The following DICER1 variants were observed in gnomAD, a reference collection of about 807,000 sequenced individuals.
The protein encoded by DICER1 is endoribonuclease Dicer.
DICER1 carries 43 observed loss-of-function variants against 194.1 expected under a neutral mutation model. That is an observed-to-expected ratio of 0.22 (90% CI 0.17 to 0.29). The LOEUF (loss-of-function observed/expected upper bound fraction) is 0.29, where lower values mean the gene tolerates loss of function less well. Ranked by LOEUF, DICER1 falls within the 10% of genes least tolerant of loss-of-function variation. The pLI is 1.00. For synonymous variants in DICER1, 832 were observed against 820.5 expected, an observed-to-expected ratio of 1.01 and a Z score of -0.24; for missense variants, 1,608 against 2,317.0, an observed-to-expected ratio of 0.69 and a Z score of 6.28.
intron 1 of DICER1, among the ~76,000 whole-genome samples, chr14:95,149,874 T>C (rs1188303180): frequency 6.6e-6 from 1 of 152,196 alleles, no homozygotes; most frequent in Non-Finnish European, 1.5e-5. Flanking sequence ...CCCAAATTAT[T>C]TCAACAAGCT....
At chr14:95,152,018 G>A (rs1895547181) in intron 1 of DICER1, among the ~76,000 whole-genome samples, 1 of 152,130 alleles carries the variant, frequency 6.6e-6, no homozygotes, top group African/African-American at 2.4e-5. Context: ...AGTTCTCTAA[G>A]TACAACCGGT....
intron 1 of DICER1, among the ~76,000 whole-genome samples, chr14:95,134,144 C>A (rs992257709): frequency 2.0e-5 from 3 of 152,140 alleles, no homozygotes; most frequent in African/African-American, 2.4e-5. Flanking sequence ...CGAACACAGG[C>A]CTTTTTCTCA....
chr14:95,122,621 T>C (rs1300297780), intron 8 of DICER1, among the ~76,000 whole-genome samples: 1 of 152,238 alleles, frequency 6.6e-6, no homozygotes, highest in East Asian at 1.9e-4. Context: ...GTCTCTGCCA[T>C]TGACTAGCAA....
intron 7 of DICER1, among the ~76,000 whole-genome samples, chr14:95,125,809 A>C (rs1398645686): frequency 1.5e-5 from 2 of 132,264 alleles, no homozygotes; most frequent in East Asian, 4.2e-4. Flanking sequence ...GAGAGGAGAG[A>C]AAGAGAGAGA....
intron 15 of DICER1, 40 bp from the exon 16 acceptor site, chr14:95,108,133 A>C: frequency 6.7e-7 from 1 of 1,494,612 alleles, no homozygotes; most frequent in Non-Finnish European, 9.3e-7. Context: ...CAAAATTAAC[A>C]GGTATTTTAT....
At position 95,116,846 on chromosome 14, in the gene DICER1, G is replaced by C. The variant is rs1265200837; in HGVS notation, c.1510-151C>G. 5.0e-6 allele frequency: 4 copies of C among 793,458 alleles called. No homozygotes were observed. The East Asian group carries it at 7.4e-5, about 15-fold the overall frequency. 49.2% of individuals were successfully genotyped at this position (793,458 alleles called of 1,614,324 possible). ...TAAGGCCAGGCTAAAGAAGATGACA[G>C]TATCACAGAAAACTCAGCATGCATG... On this transcript the variant is annotated intron_variant, in intron 9 of 26. Coordinates refer to ENST00000343455, the MANE Select transcript of DICER1 (RefSeq NM_177438.3).
chr14:95,113,179 A>G lies in DICER1; in HGVS notation c.1953T>C (p.Pro651=), dbSNP rs199678028. ...LPSDPFTHLA[P]KCRTRELPDG... ...CAGGCAACTCTCGGGTTCTGCATTT[A>G]GGAGCTAGATGAGTAAACGGATCAC... Residue 651 remains proline (P), a synonymous_variant, in exon 12 of 27, where the codon CCT becomes CCC. Transcript: ENST00000343455. 3.0e-5 allele frequency: 48 copies of G among 1,613,808 alleles called. No individual in the cohort carries two copies. In the East Asian group the frequency reaches 1.0e-3, roughly 35 times the overall value.
Position 95,086,829 on chromosome 14 carries a change from A to G in DICER1, c.*3669T>C. On this transcript the variant is annotated 3_prime_UTR_variant, in exon 27 of 27. Coordinates refer to ENST00000343455, the MANE Select transcript of DICER1 (RefSeq NM_177438.3). ...TTATCTGGAAATAATTAAATTCCTG[A>G]AAAGTAATCAGTGGTTGGAAAAATA... 1 of 232,544 alleles carries G rather than the reference A, an allele frequency of 4.3e-6. No homozygotes were observed. Among genetic ancestry groups the G allele is most frequent in the Non-Finnish European group, 8.5e-6 (1 of 117,644 alleles). The allele number at this position is 232,544 out of a possible 1,614,324, so 14.4% of individuals were successfully genotyped here.
chr14:95,154,817 T>C (rs147265339), intron 1 of DICER1, among the ~76,000 whole-genome samples: 46 of 151,904 alleles, frequency 3.0e-4, no homozygotes, highest in African/African-American at 1.1e-3. Context: ...TGCCAGCTAG[T>C]TGTACACTTA....
chr14:95,156,140 T>A (rs1272469397), intron 1 of DICER1, among the ~76,000 whole-genome samples: 1 of 152,248 alleles, frequency 6.6e-6, no homozygotes, highest in Non-Finnish European at 1.5e-5. Context: ...TAACCTGTTT[T>A]AACAGCACAT....
Position 95,108,045 on chromosome 14 carries a change from T to C in DICER1, c.2485A>G (p.Ile829Val), listed in dbSNP as rs1038939677. 2 of 1,613,920 alleles carry C rather than the reference T, an allele frequency of 1.2e-6. No homozygotes were observed. The highest frequency in any genetic ancestry group is 1.3e-5 in the African/African-American group (1 of 74,930). ...ATGAAACCAGACTTCTTCAACTCAA[T>C]GGATATGGTAACCTCTCCAGAGCGT... ...YTRSGEVTIS[I>V]ELKKSGFMLS... is the part of the protein sequence containing the mutation. The change falls in exon 16 of 27, where the codon ATT becomes GTT. Residue 829 changes from isoleucine to valine, a missense_variant. Ile to Val is a conservative substitution (Grantham distance 29). Around this residue, in one of 10 missense-constraint regions of DICER1, gnomAD observed 150 missense variants for 216.0 expected, o/e 0.69. Coordinates refer to ENST00000343455, the MANE Select transcript of DICER1 (RefSeq NM_177438.3).
chr14:95,087,158 G>C lies in DICER1; in HGVS notation c.*3340C>G, dbSNP rs1889401009. ...GAGCGACTGAAGAAGCCGACTGCCG[G>C]GGGAACACCTGGATTCATGAACCAA... On this transcript the variant is annotated 3_prime_UTR_variant, in exon 27 of 27. Coordinates refer to ENST00000343455, the MANE Select transcript of DICER1 (RefSeq NM_177438.3). The C allele has an allele frequency of 4.3e-6, 1 of 233,246 alleles. No homozygotes were observed. Among genetic ancestry groups the C allele is most frequent in the East Asian group, 6.1e-5 (1 of 16,494 alleles). The allele number at this position is 233,246 out of a possible 1,614,324, so 14.4% of individuals were successfully genotyped here.
intron 1 of DICER1, among the ~76,000 whole-genome samples, chr14:95,155,093 C>A (rs1412142704): frequency 6.6e-6 from 1 of 152,184 alleles, no homozygotes; most frequent in African/African-American, 2.4e-5. Context: ...CTTCGAGATT[C>A]CTAACTTGGG....
At chr14:95,112,407 A>C (rs1039739930) in intron 12 of DICER1, among the ~76,000 whole-genome samples, 160 bp from the exon 13 acceptor site, 2 of 152,222 alleles carry the variant, frequency 1.3e-5, no homozygotes, top group Non-Finnish European at 2.9e-5. Flanking sequence ...TAAAAATTCT[A>C]ATCTCCATAT....
intron 1 of DICER1, among the ~76,000 whole-genome samples, chr14:95,152,613 T>C (rs1272203633): frequency 6.6e-6 from 1 of 152,232 alleles, no homozygotes; most frequent in African/African-American, 2.4e-5. Flanking sequence ...AAGCCTGTCA[T>C]GTCTTACTTC....
chr14:95,138,735 C>T (rs1296195800), intron 1 of DICER1, among the ~76,000 whole-genome samples: 1 of 145,052 alleles, frequency 6.9e-6, no homozygotes, highest in African/African-American at 2.6e-5. Context: ...CCAAACACCG[C>T]ATATTCTCAC....
intron 22 of DICER1, among the ~76,000 whole-genome samples, chr14:95,099,003 TATC>T (rs1399327781): frequency 6.6e-6 from 1 of 152,248 alleles, no homozygotes; most frequent in Non-Finnish European, 1.5e-5. Flanking sequence ...AAAACGGTAT[TATC>T]ATTGTTGGCC....
At chr14:95,093,181 A>C (rs1293045074) in intron 24 of DICER1, among the ~76,000 whole-genome samples, 1 of 152,232 alleles carries the variant, frequency 6.6e-6, no homozygotes, top group Non-Finnish European at 1.5e-5. Flanking sequence ...TTATAAGAAA[A>C]TCTACAAAAA....
chr14:95,123,874 T>C (rs181612617), intron 8 of DICER1, among the ~76,000 whole-genome samples: 1 of 152,356 alleles, frequency 6.6e-6, no homozygotes, highest in African/African-American at 2.4e-5. Context: ...ATATCTGAAT[T>C]GAATCTAAAA....
Sources: allele counts gnomAD v4.1 joint callset (sites outside exome capture counted in the v4.1 genomes callset), GRCh38; gene constraint gnomAD v4.1.1; regional missense constraint gnomAD v4.1.1; transcripts MANE v1.5; gene names NCBI Gene and HGNC (gene_info 2026-07-23, HGNC 2026-07-21).